Variants in RBM6 observed in about 807,000 individuals in gnomAD.
The protein encoded by RBM6 is RNA-binding protein 6.
A neutral mutation model predicts 140.4 loss-of-function variants in RBM6; 23 were observed. The ratio of observed to expected loss-of-function variants is 0.16; its 90% CI spans 0.12 to 0.23. The LOEUF (loss-of-function observed/expected upper bound fraction) is 0.23. Ranked by LOEUF, RBM6 falls within the 10% of genes least tolerant of loss-of-function variation. RBM6 has a pLI of 1.00. For missense variants in RBM6, 1,139 were observed against 1,386.7 expected (o/e 0.82, Z 2.84); for synonymous variants, 439 against 475.6 (o/e 0.92, Z 1.00).
chr3:50,004,281 CT>C (rs1485937911), intron 6 of RBM6, among the ~76,000 whole-genome samples: 2 of 144,724 alleles, frequency 1.4e-5, no homozygotes, highest in African/African-American at 5.1e-5. Context: ...TTTTCTTTTT[CT>C]TTTTTTCTTT....
chr3:49,949,978 C>T (rs894343107), intron 1 of RBM6, among the ~76,000 whole-genome samples: 5 of 152,102 alleles, frequency 3.3e-5, no homozygotes, highest in Admixed American at 3.3e-4. Flanking sequence ...CTGCCTCCGC[C>T]TCCTAAAGTG....
intron 19 of RBM6, among the ~76,000 whole-genome samples, chr3:50,071,810 G>T (rs935528715): frequency 1.3e-5 from 2 of 152,188 alleles, no homozygotes; most frequent in Admixed American, 6.5e-5. Context: ...TGGGGGCCAG[G>T]CGTGGTGGCT....
At chr3:49,979,229 G>A (rs1241941137) in intron 5 of RBM6, among the ~76,000 whole-genome samples, 3 of 152,118 alleles carry the variant, frequency 2.0e-5, no homozygotes, top group Admixed American at 6.5e-5. Context: ...AGGCACACCC[G>A]TAGAGATAGA....
At chr3:50,035,006 C>T (rs964169198) in intron 6 of RBM6, among the ~76,000 whole-genome samples, 2 of 147,386 alleles carry the variant, frequency 1.4e-5, no homozygotes, top group Non-Finnish European at 3.0e-5. Flanking sequence ...CCTCTCCTCT[C>T]CTCTCCTCTC....
At chr3:50,008,636 C>T (rs2086697086) in intron 6 of RBM6, among the ~76,000 whole-genome samples, 1 of 143,242 alleles carries the variant, frequency 7.0e-6, no homozygotes. Flanking sequence ...TCAATGCAAC[C>T]TCCACCTCCC....
intron 5 of RBM6, among the ~76,000 whole-genome samples, chr3:49,976,708 A>G (rs1392779685): frequency 6.6e-6 from 1 of 152,210 alleles, no homozygotes; most frequent in East Asian, 1.9e-4. Context: ...ATAGCAGTTC[A>G]AACTCCAGTT....
intron 20 of RBM6, among the ~76,000 whole-genome samples, chr3:50,075,557 A>G (rs1056488703): frequency 2.0e-5 from 3 of 152,206 alleles, no homozygotes; most frequent in African/African-American, 7.2e-5. Context: ...AATGGATTTC[A>G]TCATACTTTT....
At chr3:50,070,244 A>G (rs2090258045) in intron 18 of RBM6, among the ~76,000 whole-genome samples, 1 of 152,058 alleles carries the variant, frequency 6.6e-6, no homozygotes, top group Admixed American at 6.6e-5. Flanking sequence ...AGTCCCAGCT[A>G]CTTGGGAGGC....
At chr3:50,051,932 G>GA (rs1181309598) in intron 7 of RBM6, among the ~76,000 whole-genome samples, 15 of 152,358 alleles carry the variant, frequency 9.8e-5, no homozygotes, top group Non-Finnish European at 1.9e-4. Context: ...CTAGGGGTAA[G>GA]AATGGGGGAG....
At chr3:49,963,992 C>T (rs62262117) in intron 2 of RBM6, among the ~76,000 whole-genome samples, 10,626 of 152,156 alleles carry the variant, frequency 0.07, 387 homozygotes, top group Non-Finnish European at 0.077. Flanking sequence ...CCTTTGCCTC[C>T]TAGGTTCAAG....
At chr3:50,043,733 G>GCC (rs1465648114) in intron 6 of RBM6, among the ~76,000 whole-genome samples, 1 of 151,420 alleles carries the variant, frequency 6.6e-6, no homozygotes, top group Non-Finnish European at 1.5e-5. Flanking sequence ...ACAAGCATGT[G>GCC]CCACCACACC....
At chr3:49,943,282 AATTATT>A (rs745679766) in intron 1 of RBM6, among the ~76,000 whole-genome samples, 2 of 151,744 alleles carry the variant, frequency 1.3e-5, no homozygotes, top group Non-Finnish European at 2.9e-5. Flanking sequence ...GCTATATGGT[AATTATT>A]ATTATTATTA....
chr3:49,967,433 C>CAG lies in RBM6; in HGVS notation c.45-37_45-36insAG. On this transcript the variant is annotated intron_variant, in intron 2 of 20. Transcript: ENST00000266022. The surrounding 1 kb of genome is among the most constrained non-coding windows in gnomAD (Gnocchi z 4.0). The stretch of plus-strand genomic sequence containing the variant: ...TGCTGGTGTGTAGATTTCAAACTCT[C>CAG]TGGACAATATGAATAACACTGTCTT... 1 of 1,557,372 alleles carries CAG rather than the reference C, an allele frequency of 6.4e-7. No homozygotes were observed. The highest frequency in any genetic ancestry group is 8.7e-7 in the Non-Finnish European group (1 of 1,148,684).
At chr3:49,950,779 G>A in intron 1 of RBM6, among the ~76,000 whole-genome samples, 1 of 150,468 alleles carries the variant, frequency 6.6e-6, no homozygotes. Flanking sequence ...AAGAATGAAA[G>A]GCAAAACATT....
At chr3:50,073,697 G>C (rs1310195367) in intron 19 of RBM6, among the ~76,000 whole-genome samples, 1 of 152,142 alleles carries the variant, frequency 6.6e-6, no homozygotes, top group African/African-American at 2.4e-5. Flanking sequence ...TTTGTAAAGA[G>C]AAATCTACTC....
chr3:49,968,412 T>C lies in RBM6; in HGVS notation c.987T>C (p.Ile329=), dbSNP rs755207084. Residue 329 remains isoleucine, a synonymous_variant, in exon 3 of 21, where the codon ATT becomes ATC. Transcript: ENST00000266022. ...DHTIERPAFG[I]QKGEFEHSET... is the part of the protein sequence containing the mutation. ...CGATAGAAAGGCCTGCTTTTGGCAT[T>C]CAGAAGGGAGAATTTGAGCATTCAG... The C allele has an allele frequency of 3.1e-6, 5 of 1,614,168 alleles. No individual in the cohort carries two copies. In the South Asian group the frequency reaches 4.4e-5, roughly 14 times the overall value.
At chr3:50,035,759 T>TA (rs1389024372) in intron 6 of RBM6, among the ~76,000 whole-genome samples, 5 of 151,666 alleles carry the variant, frequency 3.3e-5, no homozygotes, top group African/African-American at 7.3e-5. Context: ...TGATTTTATT[T>TA]AAAAAAATTT....
intron 1 of RBM6, among the ~76,000 whole-genome samples, chr3:49,951,541 ATATTT>A (rs1395624771): frequency 6.6e-6 from 1 of 150,708 alleles, no homozygotes; most frequent in Non-Finnish European, 1.5e-5. Context: ...GGCCTTTACT[ATATTT>A]TATTTTATTT....
chr3:49,959,867 C>T (rs1448090552), intron 1 of RBM6, among the ~76,000 whole-genome samples: 5 of 152,182 alleles, frequency 3.3e-5, no homozygotes, highest in Admixed American at 1.3e-4. Flanking sequence ...CCCCCACGCC[C>T]GGCCTAGGTC....
Sources: allele counts gnomAD v4.1 joint callset (sites outside exome capture counted in the v4.1 genomes callset), GRCh38; gene constraint gnomAD v4.1.1; non-coding constraint Gnocchi (gnomAD v3.1); transcripts MANE v1.5; gene names NCBI Gene and HGNC (gene_info 2026-07-23, HGNC 2026-07-21).